Variants in NRG3 observed in about 807,000 individuals in gnomAD.
NRG3 encodes pro-neuregulin-3, membrane-bound isoform.
In NRG3, 31 loss-of-function variants were observed where a neutral mutation model predicts 66.9. The observed-to-expected ratio is 0.46, with a 90% confidence interval of 0.35 to 0.63. The LOEUF is 0.63. NRG3 is among the 20% of genes least tolerant of loss of function. The pLI, the probability that NRG3 is intolerant of heterozygous loss-of-function variation, is 0.00. For synonymous variants in NRG3, 393 were observed against 359.4 expected (o/e 1.09, Z -1.06); for missense variants, 910 against 878.9 (o/e 1.04, Z -0.45).
In NRG3 at chr10:82,491,170, A is replaced by C. The variant is rs1015974426; in HGVS notation, c.953+132302A>C. On this transcript the variant is annotated intron_variant, in intron 2 of 8. Transcript: ENST00000372141. ...AGATATCAGCTTTAATAACTACCTC[A>C]TCCTTTTCAAGTCTTTGTCCATGTT... 4.0e-5 allele frequency among the ~76,000 whole-genome samples: 6 copies of C among 151,030 alleles called. No homozygotes were observed. The Admixed American group carries it at 4.0e-4, about 10-fold the overall frequency.
chr10:82,552,842 G>A lies in NRG3; in HGVS notation c.954-185735G>A, dbSNP rs192050403. ...GGGTTCAAAAACATATAGTATATGT[G>A]CCTCATAAGAGACAAAGACCAAACT... On this transcript the variant is annotated intron_variant, in intron 2 of 8. Coordinates refer to ENST00000372141, the MANE Select transcript of NRG3 (RefSeq NM_001010848.4). 7.8e-3 allele frequency among the ~76,000 whole-genome samples: 1,184 copies of A among 152,200 alleles called. 12 individuals are homozygous for A. Among genetic ancestry groups the A allele is most frequent in the Non-Finnish European group, 0.011 (726 of 67,992 alleles).
chr10:82,342,726 C>G (rs895747801), intron 1 of NRG3, among the ~76,000 whole-genome samples: 1 of 151,962 alleles, frequency 6.6e-6, no homozygotes, highest in African/African-American at 2.4e-5. Flanking sequence ...TGTCTGTTTA[C>G]TGTATTTATC....
At chr10:82,909,438 C>T (rs952546113) in intron 4 of NRG3, among the ~76,000 whole-genome samples, 5 of 152,118 alleles carry the variant, frequency 3.3e-5, no homozygotes, top group African/African-American at 7.2e-5. Context: ...TTACACCCGA[C>T]CTCATGTGAC....
At chr10:82,058,526 T>C (rs1389694311) in intron 1 of NRG3, among the ~76,000 whole-genome samples, 1 of 151,070 alleles carries the variant, frequency 6.6e-6, no homozygotes, top group African/African-American at 2.4e-5. Context: ...TGTATAGGTA[T>C]GCCTTCAACT....
intron 1 of NRG3, among the ~76,000 whole-genome samples, chr10:82,222,183 AT>A (rs1223254323): frequency 6.6e-6 from 1 of 152,032 alleles, no homozygotes; most frequent in African/African-American, 2.4e-5. Flanking sequence ...CTTTATCAAT[AT>A]AAAACAAATT....
intron 1 of NRG3, among the ~76,000 whole-genome samples, chr10:82,050,776 T>G (rs1422976544): frequency 6.6e-6 from 1 of 151,700 alleles, no homozygotes; most frequent in Non-Finnish European, 1.5e-5. Context: ...TCTCTACCCC[T>G]TGCTTCCTCT....
chr10:82,293,134 TAGAG>T (rs998594966), intron 1 of NRG3, among the ~76,000 whole-genome samples: 18 of 152,278 alleles, frequency 1.2e-4, no homozygotes, highest in African/African-American at 4.1e-4. Context: ...ATTCTCCTGT[TAGAG>T]AGAGAACTGT....
At chr10:82,706,364 C>T (rs1445344358) in intron 2 of NRG3, among the ~76,000 whole-genome samples, 2 of 152,156 alleles carry the variant, frequency 1.3e-5, no homozygotes, top group Admixed American at 1.3e-4. Context: ...TACGTTATTT[C>T]CATGCCCTCC....
rs1448509967 is a variant in NRG3, at chr10:82,133,673, T to G, written c.824-225066T>G. On this transcript the variant is annotated intron_variant, in intron 1 of 8. Transcript: ENST00000372141. Reference sequence around the variant, plus strand: ...ATATTGTCTATCATCAGTGGGCAGTTAGGTTGATTCCATGTCTTTGCTATT... The same window carrying G: ...ATATTGTCTATCATCAGTGGGCAGTGAGGTTGATTCCATGTCTTTGCTATT... Among the ~76,000 whole-genome samples the G allele has an allele frequency of 2.0e-5, 3 of 152,186 alleles. 1 individual carries two copies. The highest frequency in any genetic ancestry group is 4.4e-5 in the Non-Finnish European group (3 of 68,030).
At chr10:82,398,220 A>G (rs937966869) in intron 2 of NRG3, among the ~76,000 whole-genome samples, 1 of 152,164 alleles carries the variant, frequency 6.6e-6, no homozygotes, top group African/African-American at 2.4e-5. Flanking sequence ...CCTGTGAAAG[A>G]GCTAGACTAT....
chr10:82,892,143 T>A (rs1301345009), intron 4 of NRG3, among the ~76,000 whole-genome samples: 1 of 152,166 alleles, frequency 6.6e-6, no homozygotes, highest in East Asian at 1.9e-4. Flanking sequence ...TATTGCTAGA[T>A]ATAAGAGTTC....
At chr10:81,931,503 C>A (rs1847345378) in intron 1 of NRG3, among the ~76,000 whole-genome samples, 1 of 152,188 alleles carries the variant, frequency 6.6e-6, no homozygotes, top group African/African-American at 2.4e-5. Context: ...TCACTGTCCT[C>A]CCCTGGTCCA....
At chr10:82,958,864 T>C in intron 5 of NRG3, 85 bp from the exon 6 acceptor site, 1 of 1,389,078 alleles carries the variant, frequency 7.2e-7, no homozygotes, top group Non-Finnish European at 9.5e-7. Context: ...ATAACAAATA[T>C]AGACACTGGG....
intron 1 of NRG3, among the ~76,000 whole-genome samples, chr10:82,021,957 C>T (rs951209111): frequency 1.3e-5 from 2 of 150,994 alleles, no homozygotes; most frequent in Non-Finnish European, 2.9e-5. Context: ...TTTGTATACA[C>T]TTAGAAATTT....
intron 1 of NRG3, chr10:82,232,743 T>C: frequency 1.4e-6 from 1 of 717,154 alleles, no homozygotes; most frequent in South Asian, 1.5e-5. Context: ...TACTCACAGG[T>C]CCTAGAGACA....
At chr10:82,297,894 C>A (rs2080166430) in intron 1 of NRG3, among the ~76,000 whole-genome samples, 1 of 151,992 alleles carries the variant, frequency 6.6e-6, no homozygotes, top group South Asian at 2.1e-4. Context: ...GTAATCCCAG[C>A]ACTTCAGGAG....
chr10:82,327,160 G>T (rs1017155087), intron 1 of NRG3, among the ~76,000 whole-genome samples: 2 of 152,152 alleles, frequency 1.3e-5, no homozygotes, highest in African/African-American at 4.8e-5. Flanking sequence ...TGATTATTTG[G>T]ATCCTAGAAT....
intron 2 of NRG3, among the ~76,000 whole-genome samples, chr10:82,531,345 T>C (rs938141642): frequency 6.6e-6 from 1 of 151,792 alleles, no homozygotes; most frequent in Non-Finnish European, 1.5e-5. Flanking sequence ...TATATGACTA[T>C]CTATGAAAGA....
rs1565092342 is a variant in NRG3, at chr10:82,580,310, C to A, written c.954-158267C>A. On this transcript the variant is annotated intron_variant, in intron 2 of 8. Transcript: ENST00000372141. ...GTTTTAGATTTACAGAAAAGTTGAG[C>A]CCAAATACAGAGTTCCTATATAATC... is the stretch of plus-strand genomic sequence containing the variant. 2.0e-5 allele frequency among the ~76,000 whole-genome samples: 3 copies of A among 151,872 alleles called. No homozygotes were observed. The South Asian group carries it at 6.2e-4, about 32-fold the overall frequency.
Sources: allele counts gnomAD v4.1 joint callset (sites outside exome capture counted in the v4.1 genomes callset), GRCh38; gene constraint gnomAD v4.1.1; transcripts MANE v1.5; gene names NCBI Gene and HGNC (gene_info 2026-07-23, HGNC 2026-07-21).